The following TMF1 variants were observed in gnomAD, a reference collection of about 807,000 sequenced individuals.
TMF1 encodes TATA element modulatory factor 1.
Under a neutral mutation model 126.5 loss-of-function variants are expected in TMF1, and 71 were observed. The observed-to-expected ratio is 0.56, with a 90% CI of 0.46 to 0.68. The LOEUF (loss-of-function observed/expected upper bound fraction) is 0.68. TMF1 is among the 30% of genes least tolerant of loss of function. The pLI is 0.00. For synonymous variants in TMF1, 461 were observed against 430.5 expected (o/e 1.07, Z -0.88); for missense variants, 1,259 against 1,253.2 (o/e 1.00, Z -0.07).
intron 9 of TMF1, chr3:69,034,105 G>A (rs1465810043): frequency 1.9e-5 from 3 of 161,632 alleles, no homozygotes; most frequent in Non-Finnish European, 4.1e-5. Context: ...GAACCACCAT[G>A]CCCAGCCCTT....
intron 13 of TMF1, among the ~76,000 whole-genome samples, chr3:69,027,695 AAT>A (rs1470701114): frequency 6.6e-6 from 1 of 151,728 alleles, no homozygotes; most frequent in African/African-American, 2.4e-5. Flanking sequence ...AAAAAAAAAA[AAT>A]CATGAAAAAA....
chr3:69,022,898 A>C lies in TMF1; in HGVS notation c.*279T>G. 1 of 241,288 alleles carries C rather than the reference A, an allele frequency of 4.1e-6. No homozygotes were observed. Among genetic ancestry groups the C allele is most frequent in the Non-Finnish European group, 7.9e-6 (1 of 126,082 alleles). The allele number at this position is 241,288 out of a possible 1,614,324, so 14.9% of individuals were successfully genotyped here. On this transcript the variant is annotated 3_prime_UTR_variant, in exon 17 of 17. Coordinates refer to ENST00000398559, the MANE Select transcript of TMF1 (RefSeq NM_007114.3). ...CTTCTTCTCTAGCCATATTTATATG[A>C]GGATAAAGTAATAAATCTCTGTGCT...
Position 69,039,534 on chromosome 3 carries a change from T to C in TMF1, c.1827+17A>G. On this transcript the variant is annotated intron_variant, in intron 6 of 16. Transcript: ENST00000398559. ...GTAATAACAATATATATGTAGAGAATTATGATTGCTATTCACCTGTTTCAA... is the reference window on the plus strand; with the variant it reads ...GTAATAACAATATATATGTAGAGAACTATGATTGCTATTCACCTGTTTCAA... The C allele has an allele frequency of 1.9e-6, 3 of 1,606,384 alleles. No homozygotes were observed. Among genetic ancestry groups the C allele is most frequent in the Non-Finnish European group, 2.5e-6 (3 of 1,178,106 alleles).
intron 5 of TMF1, 107 bp from the exon 6 acceptor site, chr3:69,039,800 A>T: frequency 8.1e-7 from 1 of 1,238,518 alleles, no homozygotes; most frequent in Non-Finnish European, 1.1e-6. Flanking sequence ...TTTTTAAATT[A>T]CAATTTTGTA....
At chr3:69,023,795 G>A (rs2107452424) in intron 16 of TMF1, among the ~76,000 whole-genome samples, 1 of 152,162 alleles carries the variant, frequency 6.6e-6, no homozygotes, top group Non-Finnish European at 1.5e-5. Flanking sequence ...ATCATACAAA[G>A]TTCAATGTTA....
Position 69,028,312 on chromosome 3 carries a change from A to C in TMF1, c.2595-17T>G. 1 of 1,578,040 alleles carries C rather than the reference A, an allele frequency of 6.3e-7. No individual in the cohort carries two copies. The highest frequency in any genetic ancestry group is 1.1e-5 in the South Asian group (1 of 90,068). On this transcript the variant is annotated splice_polypyrimidine_tract_variant and intron_variant, in intron 11 of 16. Transcript: ENST00000398559. The stretch of plus-strand genomic sequence containing the variant: ...ACCTGGTACCTATTAAACAAGGCAG[A>C]ATTTAAAAAAACAGAAAATGAAAAA...
chr3:69,047,891 A>G lies in TMF1; in HGVS notation c.814T>C (p.Ser272Pro). ...LDHESVISES[S>P]ASSRQETTDS... is the part of the protein sequence containing the mutation. ...GTAGTCTCTTGTCTCGAGCTCGCTG[A>G]GCTCTCACTTATTACACTTTCATGA... Residue 272 changes from serine to proline, a missense_variant, in exon 2 of 17, where the codon TCA becomes CCA. By Grantham distance (74) the Ser-to-Pro change is moderately conservative (BLOSUM62 -1). Coordinates refer to ENST00000398559, the MANE Select transcript of TMF1 (RefSeq NM_007114.3). 6.2e-7 allele frequency: 1 copy of G among 1,613,896 alleles called. No individual in the cohort carries two copies. Among genetic ancestry groups the G allele is most frequent in the Non-Finnish European group, 8.5e-7 (1 of 1,180,016 alleles).
Position 69,022,506 on chromosome 3 carries a change from A to G in TMF1, c.*671T>C, listed in dbSNP as rs1220403454. On this transcript the variant is annotated 3_prime_UTR_variant, in exon 17 of 17. Transcript: ENST00000398559. ...GTACAGGTTTCTCTGGATAGGTACC[A>G]AAAGGTACCACATTTTATACAGACT... The G allele has an allele frequency of 6.6e-6, 1 of 152,570 alleles. No homozygotes were observed. The highest frequency in any genetic ancestry group is 1.5e-5 in the Non-Finnish European group (1 of 67,976). 9.5% of individuals were successfully genotyped at this position (152,570 alleles called of 1,614,324 possible). A position where few individuals can be genotyped will look rare whatever the true frequency, so the allele number is the denominator to read the frequency against.
intron 1 of TMF1, 187 bp from the exon 2 acceptor site, chr3:69,048,749 G>T: frequency 7.7e-6 from 4 of 521,666 alleles, no homozygotes; most frequent in Non-Finnish European, 1.3e-5. Context: ...AGGGACTTAC[G>T]GAAGAAAACT....
chr3:69,043,104 T>G (rs1030749761), intron 4 of TMF1, among the ~76,000 whole-genome samples, 192 bp from the exon 5 acceptor site: 2 of 152,180 alleles, frequency 1.3e-5, no homozygotes, highest in Admixed American at 1.3e-4. Context: ...ATTCAAAACC[T>G]AAATTCAGAT....
Position 69,035,759 on chromosome 3 carries a change from A to C in TMF1, c.2152-644T>G, listed in dbSNP as rs552853657. Among the ~76,000 whole-genome samples the C allele has an allele frequency of 8.5e-5, 13 of 152,316 alleles. No homozygotes were observed. In the East Asian group the frequency reaches 2.3e-3, roughly 27 times the overall value. On this transcript the variant is annotated intron_variant, in intron 8 of 16. Coordinates refer to ENST00000398559, the MANE Select transcript of TMF1 (RefSeq NM_007114.3). ...CATTAAAAATTACAATAAATGTATA[A>C]AACATGTAAAAAAAATTTCTAATAT...
intron 13 of TMF1, among the ~76,000 whole-genome samples, chr3:69,027,563 A>T (rs75784205): frequency 2.6e-5 from 4 of 152,104 alleles, no homozygotes; most frequent in Non-Finnish European, 5.9e-5. Flanking sequence ...TTTAGACATT[A>T]AAAAAATGAT....
intron 11 of TMF1, among the ~76,000 whole-genome samples, chr3:69,028,653 T>C (rs906125486): frequency 5.3e-5 from 8 of 152,246 alleles, no homozygotes; most frequent in African/African-American, 1.7e-4. Context: ...AAAGTTCAGA[T>C]ATTTTACTTT....
intron 11 of TMF1, 64 bp downstream of exon 11, chr3:69,029,751 C>G: frequency 6.8e-7 from 1 of 1,475,990 alleles, no homozygotes; most frequent in Non-Finnish European, 9.1e-7. Flanking sequence ...CAACAACATA[C>G]TTTTAAAAAG....
intron 1 of TMF1, chr3:69,049,095 A>G (rs1468259576): frequency 6.5e-6 from 1 of 153,622 alleles, no homozygotes; most frequent in East Asian, 1.9e-4. Flanking sequence ...AACACTCAAA[A>G]ACTGAACTCA....
chr3:69,025,623 T>A lies in TMF1; in HGVS notation c.2949A>T (p.Ser983=). 1 of 1,614,160 alleles carries A rather than the reference T, an allele frequency of 6.2e-7. No homozygotes were observed. Among genetic ancestry groups the A allele is most frequent in the South Asian group, 1.1e-5 (1 of 91,080 alleles). ...LYDAVRMGAG[S]SIIENLQSQL... ...GAGACTGTAGGTTTTCAATTATGCTTGATCCTGCTCCCATCCTTACAGCAT... is the reference window on the plus strand; with the variant it reads ...GAGACTGTAGGTTTTCAATTATGCTAGATCCTGCTCCCATCCTTACAGCAT... The change falls in exon 15 of 17, where the codon TCA becomes TCT. Residue 983 remains serine (S), a synonymous_variant. Transcript: ENST00000398559.
At chr3:69,040,650 G>C (rs1232518007) in intron 5 of TMF1, among the ~76,000 whole-genome samples, 1 of 152,142 alleles carries the variant, frequency 6.6e-6, no homozygotes, top group Admixed American at 6.5e-5. Context: ...ATACTGGCCG[G>C]GTGCAGTGGC....
rs375591364 is a variant in TMF1, at chr3:69,035,048, C to A, written c.2219G>T (p.Arg740Leu). The change falls in exon 9 of 17, where the codon CGC becomes CTC. Residue 740 changes from arginine (R) to leucine (L), a missense_variant. Arg to Leu is a moderately radical substitution (Grantham distance 102, BLOSUM62 -2). Transcript: ENST00000398559. Reference sequence around the variant, plus strand: ...CTGCTGAAGTTCACCGATCTCATGGCGTAAATAATCCTCCTTTCTGGCAGC... The same window carrying A: ...CTGCTGAAGTTCACCGATCTCATGGAGTAAATAATCCTCCTTTCTGGCAGC... ...QAAARKEDYLRHEIGELQQRL... is the reference protein window; with the variant it reads ...QAAARKEDYLLHEIGELQQRL... 1.9e-6 allele frequency: 3 copies of A among 1,614,066 alleles called. No individual in the cohort carries two copies. In the Admixed American group the frequency reaches 5.0e-5, roughly 27 times the overall value.
At chr3:69,046,551 TA>T (rs1282038901) in intron 2 of TMF1, among the ~76,000 whole-genome samples, 8 of 152,184 alleles carry the variant, frequency 5.3e-5, no homozygotes, top group African/African-American at 1.9e-4. Context: ...ACATGGCACT[TA>T]CAGGACATTT....
Sources: gnomAD v4.1 joint callset for allele counts (sites outside exome capture counted in the v4.1 genomes callset) on GRCh38, gnomAD v4.1.1 for gene constraint, MANE v1.5 for transcripts, NCBI Gene and HGNC (gene_info 2026-07-23, HGNC 2026-07-21) for gene names.